SMAD3: variants seen among roughly 807,000 people sequenced by gnomAD.
SMAD3 encodes SMAD family member 3.
In SMAD3, 12 loss-of-function variants were observed where a neutral mutation model predicts 51.8. That is an observed-to-expected ratio of 0.23 (90% CI 0.15 to 0.38). SMAD3 has a LOEUF of 0.38. SMAD3 is among the 10% of genes least tolerant of loss of function. The probability of loss-of-function intolerance (pLI) is 1.00; values close to 1 mark genes in which losing one functional copy is unlikely to be tolerated. For missense variants in SMAD3, 294 were observed against 565.6 expected (o/e 0.52, Z 4.87); for synonymous variants, 238 against 227.7 (o/e 1.05, Z -0.41).
Position 67,077,929 on chromosome 15 carries a change from A to AT in SMAD3, c.206+11573dup, listed in dbSNP as rs200185455. Reference sequence around the variant, plus strand: ...ACCTTGCTCTGTAAGTGTCCAGGAGATTTTAAAGCAGGGGAGTGGCACGGT... The same window carrying AT: ...ACCTTGCTCTGTAAGTGTCCAGGAGATTTTTAAAGCAGGGGAGTGGCACGGT... On this transcript the variant is annotated intron_variant, in intron 1 of 8. Coordinates refer to ENST00000327367, the MANE Select transcript of SMAD3 (RefSeq NM_005902.4). The AT allele has an allele frequency of 2.0e-4, 31 of 152,190 alleles. No individual in the cohort carries two copies. The East Asian group carries it at 5.8e-3, about 28-fold the overall frequency. 9.4% of individuals were successfully genotyped at this position (152,190 alleles called of 1,614,324 possible).
Position 67,098,869 on chromosome 15 carries a change from C to T in SMAD3, c.206+32509C>T, listed in dbSNP as rs907481391. On this transcript the variant is annotated intron_variant, in intron 1 of 8. Coordinates refer to ENST00000327367, the MANE Select transcript of SMAD3 (RefSeq NM_005902.4). The stretch of plus-strand genomic sequence containing the variant: ...GATTTGGGGACGGTGGGAGGGCATA[C>T]ATGGATGGGAGGGTGGACTCCGTTC... 1.4e-5 allele frequency: 10 copies of T among 701,592 alleles called. No homozygotes were observed. In the Admixed American group the frequency reaches 1.8e-4, roughly 13 times the overall value. 43.5% of individuals were successfully genotyped at this position (701,592 alleles called of 1,614,324 possible).
At chr15:67,185,898 A>G (rs1489768195) in intron 7 of SMAD3, among the ~76,000 whole-genome samples, 1 of 152,274 alleles carries the variant, frequency 6.6e-6, no homozygotes, top group Non-Finnish European at 1.5e-5. Context: ...CGTGTGTGGC[A>G]TGCCCCTTCC....
At position 67,181,471 on chromosome 15, in the gene SMAD3, T is replaced by TGGGCCCCCCCCCCCCCC; in HGVS notation, c.871+18_871+19insGGGCCCCCCCCCCCCCC. On this transcript the variant is annotated intron_variant, in intron 6 of 8. Transcript: ENST00000327367. ...ACACATCGGTATGGGGTGGCTCCAT[T>TGGGCCCCCCCCCCCCCC]CCCCGCCCCCCCACCCTGCCCCTGC... is the stretch of plus-strand genomic sequence containing the variant. 1.3e-6 allele frequency: 2 copies of TGGGCCCCCCCCCCCCCC among 1,521,052 alleles called. No individual in the cohort carries two copies. The highest frequency in any genetic ancestry group is 1.8e-6 in the Non-Finnish European group (2 of 1,131,976). 94.2% of individuals were successfully genotyped at this position (1,521,052 alleles called of 1,614,324 possible). A position where few individuals can be genotyped will look rare whatever the true frequency, so the allele number is the denominator to read the frequency against.
intron 8 of SMAD3, 126 bp downstream of exon 8, chr15:67,187,635 C>A: frequency 8.1e-7 from 1 of 1,236,934 alleles, no homozygotes; most frequent in Non-Finnish European, 1.2e-6. Flanking sequence ...GACCAAAGAT[C>A]AGAGAGAGGC....
At chr15:67,075,069 TG>T (rs761876183) in intron 1 of SMAD3, among the ~76,000 whole-genome samples, 1 of 152,282 alleles carries the variant, frequency 6.6e-6, no homozygotes. Flanking sequence ...TTTTTGGGTG[TG>T]TGTTTTTTAA....
intron 7 of SMAD3, among the ~76,000 whole-genome samples, chr15:67,185,697 A>C (rs1202554124): frequency 1.3e-5 from 2 of 152,186 alleles, no homozygotes; most frequent in African/African-American, 4.8e-5. Context: ...GGACAGGGCC[A>C]CGCCTGGACA....
At chr15:67,154,662 A>G (rs1962235656) in intron 1 of SMAD3, among the ~76,000 whole-genome samples, 1 of 152,242 alleles carries the variant, frequency 6.6e-6, no homozygotes, top group African/African-American at 2.4e-5. Context: ...GGTGTAGTAT[A>G]TTCAGTGTAC....
intron 4 of SMAD3, among the ~76,000 whole-genome samples, chr15:67,169,795 C>T (rs552549535): frequency 6.6e-6 from 1 of 152,164 alleles, no homozygotes; most frequent in East Asian, 1.9e-4. Context: ...AACAGAGGAG[C>T]GGGGACGAGC....
At position 67,135,072 on chromosome 15, in the gene SMAD3, C is replaced by T. The variant is rs567470502; in HGVS notation, c.207-29823C>T. 1.2e-4 allele frequency among the ~76,000 whole-genome samples: 19 copies of T among 152,178 alleles called. No homozygotes were observed. The East Asian group carries it at 3.5e-3, about 28-fold the overall frequency. On this transcript the variant is annotated intron_variant, in intron 1 of 8. Transcript: ENST00000327367. Reference sequence around the variant, plus strand: ...TGGGGGCTTTGTCCTGGGAGCTGGGCAGGTGCTAGGGACAGAGCTGGCCTG... The same window carrying T: ...TGGGGGCTTTGTCCTGGGAGCTGGGTAGGTGCTAGGGACAGAGCTGGCCTG...
intron 1 of SMAD3, among the ~76,000 whole-genome samples, chr15:67,099,486 TGAA>T (rs1960701212): frequency 6.6e-6 from 1 of 152,204 alleles, no homozygotes; most frequent in Non-Finnish European, 1.5e-5. Context: ...CAAGATTACT[TGAA>T]GAAGGGTTCC....
At chr15:67,175,205 A>AT (rs962700212) in intron 5 of SMAD3, among the ~76,000 whole-genome samples, 5 of 152,132 alleles carry the variant, frequency 3.3e-5, no homozygotes, top group Admixed American at 3.3e-4. Context: ...AAGTGAGATG[A>AT]TTAGGGCGGA....
rs1051387211 is a variant in SMAD3 at position 67,142,202 on chromosome 15, C to T, written c.207-22693C>T. Among the ~76,000 whole-genome samples, 127 of 150,560 alleles carry T rather than the reference C, an allele frequency of 8.4e-4. 4 individuals are homozygous for T. Among genetic ancestry groups the T allele is most frequent in the African/African-American group, 3.1e-3 (126 of 40,918 alleles). ...CTTTTGTGTGTCTCCTCCCCACACC[C>T]CCCCCACCATTGTTTCTAGAACTGT... On this transcript the variant is annotated intron_variant, in intron 1 of 8. Transcript: ENST00000327367.
At position 67,169,975 on chromosome 15, in the gene SMAD3, G is replaced by A. The variant is rs150722390; in HGVS notation, c.608-579G>A. Among the ~76,000 whole-genome samples, 681 of 152,242 alleles carry A rather than the reference G, an allele frequency of 4.5e-3. 5 individuals are homozygous for A. The highest frequency in any genetic ancestry group is 7.3e-3 in the Non-Finnish European group (497 of 67,998). ...ATCTTTTGCATAAAGTGTTTGTCTGGTTGCTGAGTTGCAGGGTTTCTGAGG... is the reference window on the plus strand; with the variant it reads ...ATCTTTTGCATAAAGTGTTTGTCTGATTGCTGAGTTGCAGGGTTTCTGAGG... On this transcript the variant is annotated intron_variant, in intron 4 of 8. Coordinates refer to ENST00000327367, the MANE Select transcript of SMAD3 (RefSeq NM_005902.4).
At chr15:67,182,372 C>T (rs184756866) in intron 6 of SMAD3, among the ~76,000 whole-genome samples, 51 of 152,266 alleles carry the variant, frequency 3.3e-4, no homozygotes, top group Admixed American at 3.2e-3. Flanking sequence ...GAGGATTTTA[C>T]GATCCAGAAT....
chr15:67,175,501 T>A lies in SMAD3; in HGVS notation c.658+4897T>A, dbSNP rs566796486. On this transcript the variant is annotated intron_variant, in intron 5 of 8. Coordinates refer to ENST00000327367, the MANE Select transcript of SMAD3 (RefSeq NM_005902.4). The stretch of plus-strand genomic sequence containing the variant: ...AAGGCAGCATCTCCTGTTGACATAG[T>A]TCTCCCTCCCTACTGACGCTTCCTC... Among the ~76,000 whole-genome samples the A allele has an allele frequency of 1.6e-4, 25 of 152,322 alleles. No homozygotes were observed. The South Asian group carries it at 5.2e-3, about 32-fold the overall frequency.
chr15:67,074,264 G>A (rs1402231350), intron 1 of SMAD3, among the ~76,000 whole-genome samples: 1 of 152,210 alleles, frequency 6.6e-6, no homozygotes, highest in Non-Finnish European at 1.5e-5. Context: ...GCAGTGAACA[G>A]TTTTTCTTCT....
rs189937166 is a variant in SMAD3 at position 67,083,418 on chromosome 15, G to A, written c.206+17058G>A. ...GGGGTTCATGTGGGAAGTGGTTACC[G>A]TTAGGAGGAGGATGAAATAACAGTA... is the stretch of plus-strand genomic sequence containing the variant. On this transcript the variant is annotated intron_variant, in intron 1 of 8. Transcript: ENST00000327367. Among the ~76,000 whole-genome samples the A allele has an allele frequency of 3.5e-4, 53 of 152,346 alleles. 1 individual carries two copies. Among genetic ancestry groups the A allele is most frequent in the Admixed American group, 3.0e-3 (46 of 15,306 alleles).
At chr15:67,088,888 C>T (rs1489598810) in intron 1 of SMAD3, among the ~76,000 whole-genome samples, 3 of 152,138 alleles carry the variant, frequency 2.0e-5, no homozygotes, top group African/African-American at 2.4e-5. Context: ...GATCACGCCA[C>T]TGCACTTGAG....
At chr15:67,097,003 T>C (rs967847129) in intron 1 of SMAD3, among the ~76,000 whole-genome samples, 2 of 152,206 alleles carry the variant, frequency 1.3e-5, no homozygotes, top group African/African-American at 4.8e-5. Context: ...CAGCCTAGTA[T>C]AGAGGTGATC....
Sources: allele counts gnomAD v4.1 joint callset (sites outside exome capture counted in the v4.1 genomes callset), GRCh38; gene constraint gnomAD v4.1.1; transcripts MANE v1.5; gene names NCBI Gene and HGNC (gene_info 2026-07-23, HGNC 2026-07-21).